MASTL: variants seen among roughly 807,000 people sequenced by gnomAD.
MASTL encodes microtubule associated serine/threonine kinase like.
Under a neutral mutation model 82.5 loss-of-function variants are expected in MASTL, and 54 were observed. The observed-to-expected ratio is 0.65, with a 90% CI of 0.53 to 0.82. The LOEUF is 0.82. Ranked by LOEUF, MASTL falls within the 40% of genes least tolerant of loss-of-function variation. The pLI is 0.00. For missense variants in MASTL, 950 were observed against 1,047.8 expected (o/e 0.91, Z 1.29); for synonymous variants, 323 against 368.9 (o/e 0.88, Z 1.43).
intron 4 of MASTL, among the ~76,000 whole-genome samples, chr10:27,163,164 G>A (rs561541852): frequency 7.9e-5 from 12 of 152,176 alleles, no homozygotes; most frequent in South Asian, 2.1e-4. Flanking sequence ...TGGTTCACCC[G>A]CCTCGGCCTC....
rs545809102 is a variant in MASTL at position 27,171,214 on chromosome 10, G to T, written c.2124+131G>T. On this transcript the variant is annotated intron_variant, in intron 8 of 11. Coordinates refer to ENST00000375940, the MANE Select transcript of MASTL (RefSeq NM_001172303.3). ...TCTTCTTGTTGAGAATCTGTGGGCT[G>T]TTGGAAGTTTTCACCCAGAAAAGTA... 6.1e-6 allele frequency: 5 copies of T among 825,392 alleles called. No individual in the cohort carries two copies. In the South Asian group the frequency reaches 6.9e-5, roughly 11 times the overall value. 51.1% of individuals were successfully genotyped at this position (825,392 alleles called of 1,614,324 possible).
chr10:27,179,849 C>T (rs996722726), intron 9 of MASTL, among the ~76,000 whole-genome samples: 1 of 152,112 alleles, frequency 6.6e-6, no homozygotes, highest in Admixed American at 6.6e-5. Flanking sequence ...ACAGAATAAT[C>T]ATGTAAATGT....
intron 11 of MASTL, among the ~76,000 whole-genome samples, chr10:27,186,101 G>A (rs2058726868): frequency 6.6e-6 from 1 of 152,058 alleles, no homozygotes; most frequent in African/African-American, 2.4e-5. Flanking sequence ...AAAAAAAGCT[G>A]TGAGAAAGAT....
chr10:27,175,140 TATC>T (rs1410016848), intron 9 of MASTL, among the ~76,000 whole-genome samples: 2 of 151,770 alleles, frequency 1.3e-5, no homozygotes, highest in African/African-American at 4.8e-5. Flanking sequence ...TCTGGCAACT[TATC>T]ATCTCACTAT....
At chr10:27,165,763 T>A (rs1041783661) in intron 6 of MASTL, among the ~76,000 whole-genome samples, 11 of 151,380 alleles carry the variant, frequency 7.3e-5, no homozygotes, top group Admixed American at 7.3e-4. Context: ...TAGCTGGGCA[T>A]GTTGGTGCAC....
intron 11 of MASTL, among the ~76,000 whole-genome samples, chr10:27,181,873 G>A (rs1429292332): frequency 1.3e-5 from 2 of 152,094 alleles, no homozygotes; most frequent in Non-Finnish European, 2.9e-5. Flanking sequence ...AGGAGATCGA[G>A]ACCATCCTGG....
Position 27,187,224 on chromosome 10 carries a change from CAGG to C in MASTL, c.*698_*700del, listed in dbSNP as rs2058820054. Reference sequence around the variant, plus strand: ...CTGAGGCAGGAGAATCGCTGGAACCCAGGAGGAGGAGGTTGTGGTGAGCCAAGA... The same window carrying C: ...CTGAGGCAGGAGAATCGCTGGAACCCAGGAGGAGGTTGTGGTGAGCCAAGA... On this transcript the variant is annotated 3_prime_UTR_variant, in exon 12 of 12. Transcript: ENST00000375940. Among the ~76,000 whole-genome samples the C allele has an allele frequency of 6.6e-6, 1 of 152,242 alleles. No homozygotes were observed. Among genetic ancestry groups the C allele is most frequent in the African/African-American group, 2.4e-5 (1 of 41,546 alleles).
At position 27,165,503 on chromosome 10, in the gene MASTL, G is replaced by A; in HGVS notation, c.775G>A (p.Asp259Asn). ...LVCPMSVDQK[D>N]TTPYSSKLLK... ...ATGCCCTATGTCTGTAGATCAAAAG[G>A]ACACTACGCCTTATTCTAGCAAATT... Residue 259 changes from aspartate (D) to asparagine (N), a missense_variant, in exon 6 of 12, where the codon GAC (aspartate) becomes AAC (asparagine). Transcript: ENST00000375940. 6.2e-7 allele frequency: 1 copy of A among 1,614,136 alleles called. No homozygotes were observed. Among genetic ancestry groups the A allele is most frequent in the Non-Finnish European group, 8.5e-7 (1 of 1,180,024 alleles).
At position 27,187,136 on chromosome 10, in the gene MASTL, C is replaced by G. The variant is rs2058812007; in HGVS notation, c.*600C>G. Among the ~76,000 whole-genome samples, 1 of 152,080 alleles carries G rather than the reference C, an allele frequency of 6.6e-6. No individual in the cohort carries two copies. The highest frequency in any genetic ancestry group is 2.4e-5 in the African/African-American group (1 of 41,418). On this transcript the variant is annotated 3_prime_UTR_variant, in exon 12 of 12. Transcript: ENST00000375940. ...CCAACATAATGAAACCCCATCTCTA[C>G]TGTAAATACACAAATTAGCCGGGCA...
At chr10:27,179,559 AAAAC>A (rs774767361) in intron 9 of MASTL, among the ~76,000 whole-genome samples, 23 of 152,250 alleles carry the variant, frequency 1.5e-4, no homozygotes, top group East Asian at 7.7e-4. Flanking sequence ...TCCGTCTCAA[AAAAC>A]AAACAAACAA....
rs1435108771 is a variant in MASTL, at chr10:27,167,260, GAA to G, written c.974_975del (p.Lys325ArgfsTer6). 3.1e-6 allele frequency: 5 copies of G among 1,613,662 alleles called. No individual in the cohort carries two copies. Among genetic ancestry groups the G allele is most frequent in the Non-Finnish European group, 4.2e-6 (5 of 1,179,738 alleles). On this transcript the variant is annotated frameshift_variant, in exon 7 of 12. Transcript: ENST00000375940. LOFTEE classifies it high-confidence loss of function. ...ESECHSSPKW[E>X]KDCQESDEAL... is the part of the protein sequence containing the mutation. Reference sequence around the variant, plus strand: ...AGAATGCCACAGCAGTCCCAAATGGGAAAAAGATTGCCAGGTTTGAGGGACAT... The same window carrying G: ...AGAATGCCACAGCAGTCCCAAATGGGAAAGATTGCCAGGTTTGAGGGACAT...
At chr10:27,165,314 G>GT (rs1379432064) in intron 5 of MASTL, 75 bp from the exon 6 acceptor site, 44 of 1,483,814 alleles carry the variant, frequency 3.0e-5, no homozygotes, top group Non-Finnish European at 4.0e-5. Context: ...TACTTAGGTG[G>GT]TATAACAGTC....
chr10:27,171,821 G>GTTTATTTTTTTTTT (rs1176510939), intron 8 of MASTL, among the ~76,000 whole-genome samples: 6 of 71,214 alleles, frequency 8.4e-5, no homozygotes, highest in South Asian at 8.1e-4. Context: ...TGAAAAATAT[G>GTTTATTTTTTTTTT]TTTCTTTTTT....
At chr10:27,162,252 A>G (rs546932574) in intron 4 of MASTL, among the ~76,000 whole-genome samples, 26 of 152,386 alleles carry the variant, frequency 1.7e-4, no homozygotes, top group African/African-American at 6.3e-4. Context: ...TCAAATGAAC[A>G]AAATACACAT....
intron 11 of MASTL, among the ~76,000 whole-genome samples, chr10:27,182,821 T>C (rs1201692666): frequency 6.6e-6 from 1 of 151,978 alleles, no homozygotes; most frequent in Non-Finnish European, 1.5e-5. Flanking sequence ...TTATTGCTAT[T>C]TATTTATTTA....
rs2057897999 is a variant in MASTL, at chr10:27,170,585, G to A, written c.1626G>A (p.Lys542=). ...GTGAACTCGATGAAGACTGTGAAAA[G>A]AATAGTAAGAGGGACTACTTAAGTT... The part of the protein sequence containing the change: ...LMCELDEDCE[K]NSKRDYLSSS... Residue 542 remains lysine (K), a synonymous_variant, in exon 8 of 12, where the codon AAG becomes AAA. Transcript: ENST00000375940. 2 of 1,612,190 alleles carry A rather than the reference G, an allele frequency of 1.2e-6. No homozygotes were observed. The highest frequency in any genetic ancestry group is 1.7e-6 in the Non-Finnish European group (2 of 1,179,340).
In MASTL at chr10:27,155,440, C is replaced by T. The variant is rs1435330352; in HGVS notation, c.14C>T (p.Ala5Val). The change falls in exon 1 of 12, where the codon GCG becomes GTG. Residue 5 changes from alanine (A) to valine (V), a missense_variant. Physicochemically the swap from Ala to Val is moderately conservative, Grantham distance 64 (BLOSUM62 0). Transcript: ENST00000375940. MDPT[A>V]GSKKEPGGGA... ...TGCTGTCCAGCGATGGATCCCACCGCGGGAAGCAAGAAGGAGCCTGGAGGA... is the reference window on the plus strand; with the variant it reads ...TGCTGTCCAGCGATGGATCCCACCGTGGGAAGCAAGAAGGAGCCTGGAGGA... The T allele has an allele frequency of 1.2e-6, 2 of 1,610,882 alleles. No individual in the cohort carries two copies. The highest frequency in any genetic ancestry group is 2.2e-5 in the South Asian group (2 of 90,844).
chr10:27,171,825 CTT>C lies in MASTL; in HGVS notation c.2124+763_2124+764del, dbSNP rs112511530. 9.1e-4 allele frequency among the ~76,000 whole-genome samples: 85 copies of C among 93,578 alleles called. 2 individuals are homozygous for C. The highest frequency in any genetic ancestry group is 0.01 in the Middle Eastern group (1 of 96). 61.4% of individuals were successfully genotyped at this position (93,578 alleles called of 152,430 possible). On this transcript the variant is annotated intron_variant, in intron 8 of 11. Coordinates refer to ENST00000375940, the MANE Select transcript of MASTL (RefSeq NM_001172303.3). ...AGAATAAAAGTTGAAAAATATGTTT[CTT>C]TTTTTTTTTTTTTTTTTTTTGAGAC... is the stretch of plus-strand genomic sequence containing the variant.
At position 27,170,845 on chromosome 10, in the gene MASTL, A is replaced by G. The variant is rs1333564323; in HGVS notation, c.1886A>G (p.Gln629Arg). ...SPKGVENPAV[Q>R]ESNQKMLGPP... is the part of the protein sequence containing the mutation. ...AAAGGTGTCGAGAACCCTGCTGTAC[A>G]AGAGAGTAACCAAAAAATGTTAGGT... is the stretch of plus-strand genomic sequence containing the variant. Residue 629 changes from glutamine to arginine, a missense_variant, in exon 8 of 12, where the codon CAA (glutamine) becomes CGA (arginine). Gln to Arg is a conservative substitution (Grantham distance 43). Transcript: ENST00000375940. 3 of 1,614,186 alleles carry G rather than the reference A, an allele frequency of 1.9e-6. No individual in the cohort carries two copies. The highest frequency in any genetic ancestry group is 2.5e-6 in the Non-Finnish European group (3 of 1,180,022).
Sources: allele counts gnomAD v4.1 joint callset (sites outside exome capture counted in the v4.1 genomes callset), GRCh38; gene constraint gnomAD v4.1.1; transcripts MANE v1.5; gene names NCBI Gene and HGNC (gene_info 2026-07-23, HGNC 2026-07-21).